Variants in FRMD4A observed in about 807,000 individuals in gnomAD.
The protein encoded by FRMD4A is FERM domain-containing protein 4A.
A neutral mutation model predicts 129.1 loss-of-function variants in FRMD4A; 29 were observed. The ratio of observed to expected loss-of-function variants is 0.22; its 90% CI spans 0.17 to 0.31. The LOEUF (loss-of-function observed/expected upper bound fraction) is 0.31. FRMD4A is among the 10% of genes least tolerant of loss of function. The pLI is 1.00. For missense variants in FRMD4A, 1,272 were observed against 1,375.8 expected, an observed-to-expected ratio of 0.92 and a Z score of 1.19; for synonymous variants, 634 against 571.6, an observed-to-expected ratio of 1.11 and a Z score of -1.56.
chr10:13,892,767 A>G (rs189306209), intron 2 of FRMD4A, among the ~76,000 whole-genome samples: 1 of 152,314 alleles, frequency 6.6e-6, no homozygotes, highest in Admixed American at 6.5e-5. Flanking sequence ...AGTACTTGGT[A>G]GATCTAGAAA....
rs2797870 is a variant in FRMD4A, at chr10:13,915,356, A to C, written c.46-56444T>G. Among the ~76,000 whole-genome samples the C allele has an allele frequency of 2.6e-5, 4 of 151,820 alleles. No individual in the cohort carries two copies. The East Asian group carries it at 5.8e-4, about 22-fold the overall frequency. On this transcript the variant is annotated intron_variant, in intron 2 of 24. Transcript: ENST00000357447. Reference sequence around the variant, plus strand: ...TGGTGCATGGAAGGAGGACCAACTAAGTGGAAAGGGTCAGGAAGCGGGGCT... The same window carrying C: ...TGGTGCATGGAAGGAGGACCAACTACGTGGAAAGGGTCAGGAAGCGGGGCT...
At chr10:14,260,447 T>C (rs1000898179) in intron 2 of FRMD4A, among the ~76,000 whole-genome samples, 2 of 152,172 alleles carry the variant, frequency 1.3e-5, no homozygotes, top group African/African-American at 4.8e-5. Context: ...AGGCATGAAA[T>C]GTCCTCTCGG....
At chr10:14,184,125 CTTTTTT>C (rs58858936) in intron 2 of FRMD4A, among the ~76,000 whole-genome samples, 2 of 64,636 alleles carry the variant, frequency 3.1e-5, no homozygotes, top group Non-Finnish European at 5.6e-5. Context: ...CTTTTCTTTT[CTTTTTT>C]TTTTTTTTTT....
intron 8 of FRMD4A, among the ~76,000 whole-genome samples, chr10:13,755,489 C>T (rs2091821917): frequency 6.6e-6 from 1 of 152,150 alleles, no homozygotes; most frequent in African/African-American, 2.4e-5. Flanking sequence ...TACATTTTTG[C>T]CTCTAACCGC....
At chr10:14,291,630 A>T (rs1845852429) in intron 2 of FRMD4A, among the ~76,000 whole-genome samples, 1 of 152,160 alleles carries the variant, frequency 6.6e-6, no homozygotes, top group South Asian at 2.1e-4. Context: ...ACAAATTAGA[A>T]ATAGAAAAAA....
intron 2 of FRMD4A, among the ~76,000 whole-genome samples, chr10:14,129,928 C>A (rs1342508410): frequency 6.6e-6 from 1 of 152,162 alleles, no homozygotes; most frequent in African/African-American, 2.4e-5. Context: ...GGAGCTGGGG[C>A]GAGATGTTCC....
chr10:14,115,071 C>A (rs1390861538), intron 2 of FRMD4A, among the ~76,000 whole-genome samples: 1 of 152,220 alleles, frequency 6.6e-6, no homozygotes, highest in Non-Finnish European at 1.5e-5. Context: ...GCCTCTTAGA[C>A]CACCTAGGAT....
intron 2 of FRMD4A, among the ~76,000 whole-genome samples, chr10:14,182,972 G>A (rs145139157): frequency 0.011 from 1,748 of 152,272 alleles, 23 homozygotes; most frequent in Middle Eastern, 0.041. Flanking sequence ...TCTGGAGGAG[G>A]TTAGGATGTT....
chr10:14,005,697 C>T (rs79261658), intron 2 of FRMD4A, among the ~76,000 whole-genome samples: 2,502 of 152,248 alleles, frequency 0.016, 34 homozygotes, highest in Non-Finnish European at 0.025. Flanking sequence ...AGAGCAAACA[C>T]GAAACATGAT....
chr10:14,069,189 T>C (rs985254401), intron 2 of FRMD4A, among the ~76,000 whole-genome samples: 13 of 152,194 alleles, frequency 8.5e-5, no homozygotes, highest in African/African-American at 2.9e-4. Context: ...GTGACTTGGG[T>C]CATGTGAATT....
At chr10:14,054,068 G>C (rs1834390802) in intron 2 of FRMD4A, among the ~76,000 whole-genome samples, 1 of 151,774 alleles carries the variant, frequency 6.6e-6, no homozygotes, top group African/African-American at 2.4e-5. Flanking sequence ...GGGAGGGTGA[G>C]GTGGGATGAT....
intron 3 of FRMD4A, among the ~76,000 whole-genome samples, chr10:13,846,672 A>T (rs1240728207): frequency 6.6e-6 from 1 of 152,130 alleles, no homozygotes; most frequent in Non-Finnish European, 1.5e-5. Context: ...CTGCCCAGAG[A>T]GTAGGTGGTT....
intron 2 of FRMD4A, among the ~76,000 whole-genome samples, chr10:14,293,634 A>G (rs1845917465): frequency 6.6e-6 from 1 of 151,954 alleles, no homozygotes; most frequent in African/African-American, 2.4e-5. Flanking sequence ...AAAAAAAACA[A>G]GCAATGCCCG....
At chr10:13,915,364 G>C (rs1231407279) in intron 2 of FRMD4A, among the ~76,000 whole-genome samples, 1 of 151,916 alleles carries the variant, frequency 6.6e-6, no homozygotes, top group Non-Finnish European at 1.5e-5. Flanking sequence ...TAAGTGGAAA[G>C]GGTCAGGAAG....
chr10:14,294,379 A>T (rs1004965758), intron 2 of FRMD4A, among the ~76,000 whole-genome samples: 1 of 152,254 alleles, frequency 6.6e-6, no homozygotes, highest in African/African-American at 2.4e-5. Flanking sequence ...GTAAACAAAC[A>T]TATTAGGTGT....
At chr10:13,950,412 T>G (rs1347639873) in intron 2 of FRMD4A, among the ~76,000 whole-genome samples, 1 of 152,214 alleles carries the variant, frequency 6.6e-6, no homozygotes, top group African/African-American at 2.4e-5. Flanking sequence ...TAACACTGTG[T>G]TGATCTAGCG....
chr10:14,194,840 G>A (rs966294757), intron 2 of FRMD4A, among the ~76,000 whole-genome samples: 1 of 151,602 alleles, frequency 6.6e-6, no homozygotes, highest in Non-Finnish European at 1.5e-5. Flanking sequence ...ATTCATTTAT[G>A]TAAAATCATT....
At chr10:13,787,010 G>C (rs1004548853) in intron 5 of FRMD4A, among the ~76,000 whole-genome samples, 10 of 152,110 alleles carry the variant, frequency 6.6e-5, no homozygotes, top group African/African-American at 2.4e-4. Flanking sequence ...ACTCTCATAT[G>C]ATGGAAAACT....
At chr10:14,224,105 C>T (rs920671669) in intron 2 of FRMD4A, among the ~76,000 whole-genome samples, 14 of 152,192 alleles carry the variant, frequency 9.2e-5, no homozygotes, top group Non-Finnish European at 2.1e-4. Context: ...GGCTGCTTTG[C>T]CCCATCTGAT....
Sources: allele counts gnomAD v4.1 joint callset (sites outside exome capture counted in the v4.1 genomes callset), GRCh38; gene constraint gnomAD v4.1.1; transcripts MANE v1.5; gene names NCBI Gene and HGNC (gene_info 2026-07-23, HGNC 2026-07-21).